Variants in SLC14A2 observed in about 807,000 individuals in gnomAD.
The protein encoded by SLC14A2 is solute carrier family 14 member 2.
In SLC14A2, 91 loss-of-function variants were observed where a neutral mutation model predicts 104.6. The ratio of observed to expected loss-of-function variants is 0.87; its 90% CI spans 0.73 to 1.04. The LOEUF (loss-of-function observed/expected upper bound fraction) is 1.04. SLC14A2 is among the 50% of genes least tolerant of loss of function. The pLI, the probability that SLC14A2 is intolerant of heterozygous loss-of-function variation, is 0.00. For synonymous variants in SLC14A2, 476 were observed against 466.4 expected (o/e 1.02, Z -0.27); for missense variants, 1,189 against 1,156.0 (o/e 1.03, Z -0.41).
intron 1 of SLC14A2, among the ~76,000 whole-genome samples, chr18:45,266,700 G>T (rs776533109): frequency 9.2e-5 from 14 of 152,104 alleles, no homozygotes; most frequent in Non-Finnish European, 1.9e-4. Flanking sequence ...ATCACCCTTT[G>T]CAGACACATT....
At chr18:45,582,500 AT>A (rs2044508059) in intron 2 of SLC14A2, among the ~76,000 whole-genome samples, 1 of 152,194 alleles carries the variant, frequency 6.6e-6, no homozygotes, top group African/African-American at 2.4e-5. Context: ...AAAAAAATTC[AT>A]TTCAAGTTTA....
intron 1 of SLC14A2, among the ~76,000 whole-genome samples, chr18:45,472,339 G>A (rs369113120): frequency 3.9e-5 from 6 of 152,160 alleles, no homozygotes; most frequent in Non-Finnish European, 8.8e-5. Context: ...GTAAATACAC[G>A]TATGCATATG....
At chr18:45,475,347 G>C (rs1251900036) in intron 1 of SLC14A2, among the ~76,000 whole-genome samples, 1 of 151,926 alleles carries the variant, frequency 6.6e-6, no homozygotes, top group Non-Finnish European at 1.5e-5. Flanking sequence ...TGTATATTCT[G>C]TTGACTTGGG....
At chr18:45,338,680 CACAAAAA>C (rs2085360723) in intron 1 of SLC14A2, among the ~76,000 whole-genome samples, 1 of 41,694 alleles carries the variant, frequency 2.4e-5, no homozygotes, top group Non-Finnish European at 3.8e-5. Flanking sequence ...CACACTGGCT[CACAAAAA>C]AAAAAAAAAA....
chr18:45,500,555 C>T (rs1053334958), intron 2 of SLC14A2, among the ~76,000 whole-genome samples: 18 of 129,794 alleles, frequency 1.4e-4, no homozygotes, highest in Non-Finnish European at 2.6e-4. Flanking sequence ...CCAGCCTGGG[C>T]GACAGAGCGA....
intron 13 of SLC14A2, 111 bp from the exon 14 acceptor site, chr18:45,667,722 G>A: frequency 4.9e-6 from 4 of 812,002 alleles, no homozygotes; most frequent in Non-Finnish European, 8.2e-6. Flanking sequence ...CAGGTGGCTG[G>A]CTTCCTGCAA....
intron 18 of SLC14A2, among the ~76,000 whole-genome samples, chr18:45,677,766 C>T (rs149085672): frequency 5.5e-4 from 84 of 152,322 alleles, no homozygotes; most frequent in African/African-American, 2.0e-3. Context: ...TTGACAGCCC[C>T]ACATTCTACT....
chr18:45,481,883 T>C (rs1262776162), intron 1 of SLC14A2, among the ~76,000 whole-genome samples: 1 of 152,206 alleles, frequency 6.6e-6, no homozygotes, highest in Non-Finnish European at 1.5e-5. Context: ...TGAAAATTGT[T>C]TAGCTTCAAA....
chr18:45,332,249 G>A (rs2085297681), intron 1 of SLC14A2, among the ~76,000 whole-genome samples: 1 of 152,042 alleles, frequency 6.6e-6, no homozygotes, highest in South Asian at 2.1e-4. Flanking sequence ...TCAACCAACT[G>A]TGGATCAAAA....
At chr18:45,473,851 C>T (rs1350351292) in intron 1 of SLC14A2, among the ~76,000 whole-genome samples, 1 of 152,160 alleles carries the variant, frequency 6.6e-6, no homozygotes, top group Non-Finnish European at 1.5e-5. Context: ...TCCTCTCTTC[C>T]TATTTGAATA....
At chr18:45,375,357 A>G (rs2085762595) in intron 1 of SLC14A2, among the ~76,000 whole-genome samples, 2 of 152,158 alleles carry the variant, frequency 1.3e-5, no homozygotes, top group African/African-American at 2.4e-5. Context: ...CAGACCCTGC[A>G]TGGGATGGAT....
chr18:45,426,698 TACACACAC>T (rs34456057), intron 1 of SLC14A2, among the ~76,000 whole-genome samples: 31 of 140,992 alleles, frequency 2.2e-4, no homozygotes, highest in South Asian at 1.1e-3. Flanking sequence ...TATACATACA[TACACACAC>T]ACACACACAC....
chr18:45,336,219 T>A (rs1414761624), intron 1 of SLC14A2, among the ~76,000 whole-genome samples: 4 of 152,146 alleles, frequency 2.6e-5, no homozygotes, highest in Non-Finnish European at 5.9e-5. Context: ...GCCTTGTTCA[T>A]AAGGAAAACA....
intron 1 of SLC14A2, among the ~76,000 whole-genome samples, chr18:45,440,928 A>G (rs1179535331): frequency 6.6e-6 from 1 of 152,142 alleles, no homozygotes; most frequent in East Asian, 1.9e-4. Flanking sequence ...AAAAGACAAT[A>G]AACAGCATCC....
chr18:45,257,211 T>A (rs1194342520), intron 1 of SLC14A2, among the ~76,000 whole-genome samples: 2 of 152,238 alleles, frequency 1.3e-5, no homozygotes, highest in Non-Finnish European at 2.9e-5. Context: ...AACATTAAAC[T>A]GATCACTGCA....
At chr18:45,547,331 C>T (rs1223754824) in intron 2 of SLC14A2, among the ~76,000 whole-genome samples, 1 of 152,158 alleles carries the variant, frequency 6.6e-6, no homozygotes, top group Non-Finnish European at 1.5e-5. Context: ...TAAAGCCTGA[C>T]ATTGTGCCCC....
At chr18:45,502,229 G>A (rs1365990723) in intron 2 of SLC14A2, among the ~76,000 whole-genome samples, 1 of 152,206 alleles carries the variant, frequency 6.6e-6, no homozygotes, top group African/African-American at 2.4e-5. Context: ...CTCACTAGTT[G>A]TTTCCAATGC....
At chr18:45,482,413 GA>G (rs1183293613) in intron 1 of SLC14A2, 7 of 152,136 alleles carry the variant, frequency 4.6e-5, no homozygotes, top group Non-Finnish European at 1.0e-4. Flanking sequence ...TGAGGGTCTG[GA>G]ATCTGGGCTT....
chr18:45,440,267 T>C (rs970244998), intron 1 of SLC14A2: 1 of 151,956 alleles, frequency 6.6e-6, no homozygotes, highest in Non-Finnish European at 1.5e-5. Context: ...AATCCAGCAG[T>C]GTTGCTCTGT....
Sources: allele counts gnomAD v4.1 joint callset (sites outside exome capture counted in the v4.1 genomes callset), GRCh38; gene constraint gnomAD v4.1.1; transcripts MANE v1.5; gene names NCBI Gene and HGNC (gene_info 2026-07-23, HGNC 2026-07-21).